Variants in SLC24A2 observed in about 807,000 individuals in gnomAD.
SLC24A2 encodes solute carrier family 24 member 2, also known as sodium/potassium/calcium exchanger 2.
SLC24A2 carries 36 observed loss-of-function variants against 62.0 expected under a neutral mutation model. That is an observed-to-expected ratio of 0.58 (90% CI 0.44 to 0.77). The LOEUF (loss-of-function observed/expected upper bound fraction) is 0.77, where lower values mean the gene tolerates loss of function less well. Ranked by LOEUF, SLC24A2 falls within the 30% of genes least tolerant of loss-of-function variation. The pLI, the probability that SLC24A2 is intolerant of heterozygous loss-of-function variation, is 0.00. For missense variants in SLC24A2, 846 were observed against 817.9 expected (o/e 1.03, Z -0.42); for synonymous variants, 358 against 294.0 (o/e 1.22, Z -2.23).
At chr9:19,778,917 TA>T (rs1822925876) in intron 2 of SLC24A2, among the ~76,000 whole-genome samples, 1 of 152,084 alleles carries the variant, frequency 6.6e-6, no homozygotes, top group African/African-American at 2.4e-5. Context: ...AAAGAGGCAT[TA>T]AAAGTATGAT....
chr9:19,903,920 T>C, the SLC24A2 span, among the ~76,000 whole-genome samples: 2 of 152,052 alleles, frequency 1.3e-5, no homozygotes, highest in Non-Finnish European at 2.9e-5. Flanking sequence ...CAGAACTATA[T>C]AGAATCAAAA....
chr9:20,266,531 G>T, the SLC24A2 span, among the ~76,000 whole-genome samples: 1 of 151,332 alleles, frequency 6.6e-6, no homozygotes, highest in African/African-American at 2.4e-5. Flanking sequence ...TTTCCACAAA[G>T]ACCTCAGTAA....
At chr9:20,062,875 A>G in the SLC24A2 span, among the ~76,000 whole-genome samples, 1 of 123,800 alleles carries the variant, frequency 8.1e-6, no homozygotes, top group African/African-American at 3.3e-5. Context: ...TATGCAGCCA[A>G]AAAACACATG....
chr9:19,529,177 CT>C (rs370515015), intron 8 of SLC24A2, among the ~76,000 whole-genome samples: 385 of 152,190 alleles, frequency 2.5e-3, no homozygotes, highest in African/African-American at 8.8e-3. Flanking sequence ...CCACTTTTTG[CT>C]TTGATAATGC....
the SLC24A2 span, among the ~76,000 whole-genome samples, chr9:20,270,964 C>T: frequency 6.6e-6 from 1 of 152,070 alleles, no homozygotes; most frequent in African/African-American, 2.4e-5. Flanking sequence ...TTTTTATCTC[C>T]CTCCTTTTTA....
chr9:19,577,190 G>T (rs556278716), intron 5 of SLC24A2, among the ~76,000 whole-genome samples, 168 bp from the exon 6 acceptor site: 1 of 152,242 alleles, frequency 6.6e-6, no homozygotes, highest in African/African-American at 2.4e-5. Flanking sequence ...TCTTGCCTTT[G>T]TAGATTTTTC....
chr9:20,220,896 A>G, the SLC24A2 span, among the ~76,000 whole-genome samples: 1 of 152,118 alleles, frequency 6.6e-6, no homozygotes, highest in African/African-American at 2.4e-5. Flanking sequence ...AATGACCAAT[A>G]CTCAATTAAC....
At chr9:19,600,251 G>C (rs940201521) in intron 4 of SLC24A2, among the ~76,000 whole-genome samples, 2 of 152,220 alleles carry the variant, frequency 1.3e-5, no homozygotes, top group African/African-American at 4.8e-5. Context: ...AATCACACTT[G>C]CTTTCATGCC....
intron 2 of SLC24A2, among the ~76,000 whole-genome samples, chr9:19,685,686 C>G (rs1324867889): frequency 6.6e-6 from 1 of 151,938 alleles, no homozygotes; most frequent in Non-Finnish European, 1.5e-5. Flanking sequence ...ACTCCCTATT[C>G]AAAAAATGGT....
At chr9:20,102,498 G>C in the SLC24A2 span, among the ~76,000 whole-genome samples, 59 of 150,868 alleles carry the variant, frequency 3.9e-4, no homozygotes, top group African/African-American at 1.3e-3. Flanking sequence ...GTGAGGGGGT[G>C]GGGGGGGAAG....
the SLC24A2 span, among the ~76,000 whole-genome samples, chr9:19,851,029 T>TATATATATATA: frequency 3.3e-5 from 3 of 91,786 alleles, no homozygotes; most frequent in South Asian, 3.3e-4. Context: ...ATATACATAT[T>TATATATATATA]TTTTTTTTTT....
At chr9:19,979,176 T>C in the SLC24A2 span, among the ~76,000 whole-genome samples, 73,773 of 152,010 alleles carry the variant, frequency 0.49, 18,780 homozygotes, top group Non-Finnish European at 0.55. Flanking sequence ...TGTCCTGGCT[T>C]ACCTGGGATT....
chr9:20,189,859 A>T, the SLC24A2 span, among the ~76,000 whole-genome samples: 3 of 152,332 alleles, frequency 2.0e-5, no homozygotes, highest in South Asian at 2.1e-4. Context: ...CAGTGACTGC[A>T]CAATTCTGCC....
chr9:19,625,867 A>T (rs935992363), intron 2 of SLC24A2, among the ~76,000 whole-genome samples: 37 of 151,846 alleles, frequency 2.4e-4, no homozygotes, highest in Admixed American at 2.4e-3. Context: ...TTGTATTCTT[A>T]GTAGAGACAG....
Position 19,786,001 on chromosome 9 carries a change from C to T in SLC24A2, c.866G>A (p.Trp289Ter). The change falls in exon 2 of 11, where the codon TGG becomes TAG. Residue 289 changes from tryptophan to a stop codon, truncating the protein, a stop_gained. Transcript: ENST00000341998. LOFTEE classifies it high-confidence loss of function. This position sits in a 1 kb window ranked among gnomAD's most constrained non-coding sequence, Gnocchi z 5.0. ...FMKFNVQVEK[W>*]VKQMINRNKV... Reference sequence around the variant, plus strand: ...ATTGCGGTTTATCATTTGCTTCACCCATTTTTCTACTTGGACGTTGAATTT... The same window carrying T: ...ATTGCGGTTTATCATTTGCTTCACCTATTTTTCTACTTGGACGTTGAATTT... 6.2e-7 allele frequency: 1 copy of T among 1,614,144 alleles called. No homozygotes were observed. Among genetic ancestry groups the T allele is most frequent in the Non-Finnish European group, 8.5e-7 (1 of 1,179,968 alleles).
At chr9:19,690,182 AACACACACACACGCGCATGCATACAC>A (rs1820003272) in intron 2 of SLC24A2, among the ~76,000 whole-genome samples, 1 of 151,912 alleles carries the variant, frequency 6.6e-6, no homozygotes, top group Admixed American at 6.6e-5. Context: ...GCTTTATACA[AACACACACACACGCGCATGCATACAC>A]ACACACACTT....
the SLC24A2 span, among the ~76,000 whole-genome samples, chr9:19,917,297 G>A: frequency 6.9e-6 from 1 of 145,412 alleles, no homozygotes; most frequent in Non-Finnish European, 1.5e-5. Flanking sequence ...TATTTTCTTT[G>A]TTATGGTCTT....
At chr9:19,654,486 C>A (rs1818888352) in intron 2 of SLC24A2, among the ~76,000 whole-genome samples, 1 of 152,176 alleles carries the variant, frequency 6.6e-6, no homozygotes, top group South Asian at 2.1e-4. Context: ...CATTCGATTG[C>A]TCCATTGTGG....
chr9:19,712,852 T>C (rs911479307), intron 2 of SLC24A2, among the ~76,000 whole-genome samples: 4 of 152,170 alleles, frequency 2.6e-5, no homozygotes, highest in African/African-American at 9.7e-5. Flanking sequence ...AGCAGCATCC[T>C]TGTTCTCTAT....
Sources: allele counts gnomAD v4.1 joint callset (sites outside exome capture counted in the v4.1 genomes callset), GRCh38; gene constraint gnomAD v4.1.1; non-coding constraint Gnocchi (gnomAD v3.1); transcripts MANE v1.5; gene names NCBI Gene and HGNC (gene_info 2026-07-23, HGNC 2026-07-21).